The following SYN3 variants were observed in gnomAD, a reference collection of about 807,000 sequenced individuals.
SYN3 encodes the protein synapsin-3.
A neutral mutation model predicts 65.8 loss-of-function variants in SYN3; 35 were observed. That is an observed-to-expected ratio of 0.53 (90% CI 0.41 to 0.70). SYN3 has a LOEUF of 0.70. Ranked by LOEUF, SYN3 falls within the 30% of genes least tolerant of loss-of-function variation. The pLI is 0.00. For missense variants in SYN3, 680 were observed against 749.0 expected (o/e 0.91, Z 1.08); for synonymous variants, 270 against 292.9 (o/e 0.92, Z 0.80).
intron 6 of SYN3, among the ~76,000 whole-genome samples, chr22:32,824,699 C>G (rs1351591719): frequency 6.6e-6 from 1 of 152,130 alleles, no homozygotes; most frequent in African/African-American, 2.4e-5. Flanking sequence ...TATGATGACT[C>G]CCTTCATAGG....
At chr22:32,937,482 G>A (rs994555003) in intron 3 of SYN3, among the ~76,000 whole-genome samples, 2 of 152,106 alleles carry the variant, frequency 1.3e-5, no homozygotes, top group Non-Finnish European at 2.9e-5. Flanking sequence ...GAGGTGTCAA[G>A]AAACTTACAA....
In SYN3 at chr22:32,870,984, T is replaced by TAA. The variant is rs2048834907; in HGVS notation, c.462-1861_462-1860dup. On this transcript the variant is annotated intron_variant, in intron 4 of 13. Coordinates refer to ENST00000358763, the MANE Select transcript of SYN3 (RefSeq NM_003490.4). ...GTTTCTTTTTAATGGATGTGCATCT[T>TAA]AAAAAACAACACATAAATACATTGT... 3.3e-5 allele frequency among the ~76,000 whole-genome samples: 5 copies of TAA among 152,294 alleles called. No individual in the cohort carries two copies. The South Asian group carries it at 1.0e-3, about 32-fold the overall frequency.
At chr22:32,887,558 T>C (rs1383075599) in intron 4 of SYN3, among the ~76,000 whole-genome samples, 1 of 152,180 alleles carries the variant, frequency 6.6e-6, no homozygotes, top group Non-Finnish European at 1.5e-5. Context: ...ACAATCTTGA[T>C]GTCAGTCTTA....
chr22:32,612,620 T>C (rs2059460757), intron 6 of SYN3, among the ~76,000 whole-genome samples: 1 of 152,150 alleles, frequency 6.6e-6, no homozygotes, highest in Non-Finnish European at 1.5e-5. Flanking sequence ...GGCAGGAGGA[T>C]CGCTTAAGGC....
intron 6 of SYN3, among the ~76,000 whole-genome samples, chr22:32,606,449 G>A (rs2034352644): frequency 6.6e-6 from 1 of 152,198 alleles, no homozygotes; most frequent in African/African-American, 2.4e-5. Flanking sequence ...CTCCTGTCAG[G>A]AGGAGGAGCA....
intron 3 of SYN3, among the ~76,000 whole-genome samples, chr22:32,961,072 T>C (rs1163275565): frequency 6.6e-6 from 1 of 152,202 alleles, no homozygotes; most frequent in Admixed American, 6.5e-5. Context: ...TTGGCGCTAT[T>C]GACATTTTGA....
chr22:32,695,780 T>C (rs889233524), intron 6 of SYN3, among the ~76,000 whole-genome samples: 1 of 152,224 alleles, frequency 6.6e-6, no homozygotes, highest in Non-Finnish European at 1.5e-5. Flanking sequence ...CTTTGCCTTA[T>C]AGAAATGAGT....
chr22:32,732,039 A>T (rs1027855989), intron 6 of SYN3, among the ~76,000 whole-genome samples: 1 of 152,242 alleles, frequency 6.6e-6, no homozygotes, highest in Non-Finnish European at 1.5e-5. Flanking sequence ...ACAGCAAAAA[A>T]TGTTTAATGC....
At chr22:32,792,903 C>A (rs1047733089) in intron 6 of SYN3, among the ~76,000 whole-genome samples, 3 of 152,124 alleles carry the variant, frequency 2.0e-5, no homozygotes, top group African/African-American at 7.2e-5. Context: ...GGAAAGAGAC[C>A]CCTGCATCTG....
intron 7 of SYN3, among the ~76,000 whole-genome samples, chr22:32,560,518 C>T (rs2058571444): frequency 6.6e-6 from 1 of 152,180 alleles, no homozygotes; most frequent in Admixed American, 6.5e-5. Context: ...ACAGGCCTAT[C>T]CTGTCGATTC....
chr22:32,880,069 T>C (rs1224636390), intron 4 of SYN3, among the ~76,000 whole-genome samples: 3 of 152,206 alleles, frequency 2.0e-5, no homozygotes, highest in East Asian at 1.9e-4. Context: ...GCCAAGGTTT[T>C]TGACTCCCAC....
chr22:32,992,219 C>T (rs1041100989), intron 2 of SYN3, among the ~76,000 whole-genome samples: 4 of 152,196 alleles, frequency 2.6e-5, no homozygotes, highest in African/African-American at 7.2e-5. Flanking sequence ...ACTTCAGGGC[C>T]GAGCCTCCCT....
chr22:32,649,426 GTA>G (rs545143211), intron 6 of SYN3, among the ~76,000 whole-genome samples: 341 of 152,230 alleles, frequency 2.2e-3, no homozygotes, highest in African/African-American at 8.1e-3. Context: ...AGGCATTTTC[GTA>G]TAGTCTATTT....
intron 4 of SYN3, among the ~76,000 whole-genome samples, chr22:32,919,585 T>C (rs2146628699): frequency 6.6e-6 from 1 of 152,350 alleles, no homozygotes; most frequent in East Asian, 1.9e-4. Flanking sequence ...TAATGTTTGC[T>C]GGAGCCTGGC....
chr22:32,826,693 A>C (rs573120805), intron 6 of SYN3, among the ~76,000 whole-genome samples: 48 of 152,264 alleles, frequency 3.2e-4, no homozygotes, highest in Non-Finnish European at 6.5e-4. Context: ...TAGTTAGCCT[A>C]TTTGAGCTGG....
chr22:32,612,087 T>G (rs2059453084), intron 6 of SYN3, among the ~76,000 whole-genome samples: 1 of 152,198 alleles, frequency 6.6e-6, no homozygotes, highest in Non-Finnish European at 1.5e-5. Context: ...TGATAGAAGC[T>G]CCTGTCCTTG....
rs2053210706 is a variant in SYN3 at position 33,006,774 on chromosome 22, AG to A, written c.-113del. On this transcript the variant is annotated 5_prime_UTR_variant, in exon 2 of 14. Coordinates refer to ENST00000358763, the MANE Select transcript of SYN3 (RefSeq NM_003490.4). Reference sequence around the variant, plus strand: ...TGGTAGGACTTTAGCCAGAAGAGCCAGGGGGATTTTGCGCAACCAGCAGTCA... The same window carrying A: ...TGGTAGGACTTTAGCCAGAAGAGCCAGGGGATTTTGCGCAACCAGCAGTCA... The A allele has an allele frequency of 2.7e-5, 31 of 1,159,788 alleles. 4 individuals carry two copies. The South Asian group carries it at 5.3e-4, about 20-fold the overall frequency. 71.8% of individuals were successfully genotyped at this position (1,159,788 alleles called of 1,614,324 possible).
intron 2 of SYN3, among the ~76,000 whole-genome samples, chr22:32,985,648 C>A (rs1031830678): frequency 2.0e-5 from 3 of 152,142 alleles, no homozygotes; most frequent in African/African-American, 7.2e-5. Flanking sequence ...CCTAAGTGGT[C>A]TTTCAGACTT....
At chr22:32,549,606 A>T (rs1175724180) in intron 7 of SYN3, among the ~76,000 whole-genome samples, 1 of 152,214 alleles carries the variant, frequency 6.6e-6, no homozygotes, top group Non-Finnish European at 1.5e-5. Flanking sequence ...ATATTTGATT[A>T]AAAAAATACA....
Sources: gnomAD v4.1 joint callset for allele counts (sites outside exome capture counted in the v4.1 genomes callset) on GRCh38, gnomAD v4.1.1 for gene constraint, MANE v1.5 for transcripts, NCBI Gene and HGNC (gene_info 2026-07-23, HGNC 2026-07-21) for gene names.